Variants in PPP3CA observed in about 807,000 individuals in gnomAD.
PPP3CA encodes the protein protein phosphatase 3 catalytic subunit alpha, also known as CAM-PRP catalytic subunit.
In PPP3CA, 14 loss-of-function variants were observed where a neutral mutation model predicts 66.5. The ratio of observed to expected loss-of-function variants is 0.21; its 90% CI spans 0.14 to 0.33. The LOEUF is 0.33. PPP3CA is among the 10% of genes least tolerant of loss of function. The pLI is 1.00. For missense variants in PPP3CA, 317 were observed against 639.5 expected, an observed-to-expected ratio of 0.50 and a Z score of 5.44; for synonymous variants, 232 against 226.2, an observed-to-expected ratio of 1.03 and a Z score of -0.23.
intron 1 of PPP3CA, among the ~76,000 whole-genome samples, chr4:101,210,213 C>G (rs942391320): frequency 1.3e-5 from 2 of 152,116 alleles, no homozygotes; most frequent in African/African-American, 4.8e-5. Context: ...ACTATTTCTC[C>G]AAGTTCCCAG....
chr4:101,041,779 T>C (rs1424283040), intron 10 of PPP3CA, among the ~76,000 whole-genome samples: 1 of 152,136 alleles, frequency 6.6e-6, no homozygotes, highest in East Asian at 1.9e-4. Flanking sequence ...ATCCTTTTTA[T>C]TCATTATGTG....
intron 2 of PPP3CA, among the ~76,000 whole-genome samples, chr4:101,173,716 A>T (rs1723960055): frequency 6.6e-6 from 1 of 152,158 alleles, no homozygotes; most frequent in South Asian, 2.1e-4. Context: ...ATATAATAAT[A>T]ACCTCTCTGT....
chr4:101,246,607 A>T (rs1303980651), intron 1 of PPP3CA, among the ~76,000 whole-genome samples: 6 of 152,004 alleles, frequency 3.9e-5, no homozygotes, highest in African/African-American at 1.4e-4. Context: ...TTCTTTATAT[A>T]AACAAGAAAA....
intron 2 of PPP3CA, among the ~76,000 whole-genome samples, chr4:101,156,026 T>C (rs1205164338): frequency 6.6e-6 from 1 of 152,206 alleles, no homozygotes; most frequent in Non-Finnish European, 1.5e-5. Flanking sequence ...ACTATGCCTA[T>C]GGTCAAGAGC....
chr4:101,214,022 A>G (rs116385033), intron 1 of PPP3CA, among the ~76,000 whole-genome samples: 1,809 of 152,258 alleles, frequency 0.012, 16 homozygotes, highest in Non-Finnish European at 0.018. Context: ...GCGTTAAGAC[A>G]TTCTCAATCT....
rs549109135 is a variant in PPP3CA at position 101,241,865 on chromosome 4, T to C, written c.59-45749A>G. On this transcript the variant is annotated intron_variant, in intron 1 of 13. Coordinates refer to ENST00000394854, the MANE Select transcript of PPP3CA (RefSeq NM_000944.5). ...ATTAATACATGTACACTTAGTCAAA[T>C]TGCTAAGTGTATCTGTACAAATGTT... Among the ~76,000 whole-genome samples, 6 of 152,256 alleles carry C rather than the reference T, an allele frequency of 3.9e-5. No individual in the cohort carries two copies. The South Asian group carries it at 6.2e-4, about 16-fold the overall frequency.
intron 3 of PPP3CA, among the ~76,000 whole-genome samples, chr4:101,106,373 A>AAAG (rs199934841): frequency 5.7e-4 from 8 of 14,076 alleles, no homozygotes; most frequent in African/African-American, 1.8e-3. Flanking sequence ...TAAAAGAGAG[A>AAAG]AAAGAAAGAA....
At chr4:101,143,761 C>G (rs1015565667) in intron 2 of PPP3CA, among the ~76,000 whole-genome samples, 1 of 152,178 alleles carries the variant, frequency 6.6e-6, no homozygotes, top group Non-Finnish European at 1.5e-5. Context: ...AATGATAGCT[C>G]CAGAGTGGTG....
intron 2 of PPP3CA, among the ~76,000 whole-genome samples, chr4:101,186,368 G>A (rs940799868): frequency 6.6e-6 from 1 of 152,088 alleles, no homozygotes; most frequent in African/African-American, 2.4e-5. Flanking sequence ...TCCAAATAAT[G>A]TACACTTTGT....
At position 101,333,295 on chromosome 4, in the gene PPP3CA, T is replaced by G. The variant is rs1358119794; in HGVS notation, c.58+13444A>C. 1.1e-4 allele frequency among the ~76,000 whole-genome samples: 13 copies of G among 120,630 alleles called. 1 individual carries two copies. The South Asian group carries it at 1.7e-3, about 16-fold the overall frequency. 79.1% of individuals were successfully genotyped at this position (120,630 alleles called of 152,430 possible). A position where few individuals can be genotyped will look rare whatever the true frequency, so the allele number is the denominator to read the frequency against. Reference sequence around the variant, plus strand: ...GTTTTTTTTTTTTTTTTTTTTTTTTTTTTTTTTTTTTTTTGTAGAGATGAG... The same window carrying G: ...GTTTTTTTTTTTTTTTTTTTTTTTTGTTTTTTTTTTTTTTGTAGAGATGAG... On this transcript the variant is annotated intron_variant, in intron 1 of 13. Transcript: ENST00000394854.
At chr4:101,162,572 G>GAAT (rs1723553647) in intron 2 of PPP3CA, among the ~76,000 whole-genome samples, 2 of 75,406 alleles carry the variant, frequency 2.7e-5, no homozygotes, top group African/African-American at 1.4e-4. Flanking sequence ...AATAAATAAA[G>GAAT]GGAAATGTAT....
At chr4:101,301,016 GA>G (rs1330500064) in intron 1 of PPP3CA, among the ~76,000 whole-genome samples, 1 of 152,008 alleles carries the variant, frequency 6.6e-6, no homozygotes, top group African/African-American at 2.4e-5. Flanking sequence ...TTAGGAACAG[GA>G]TTTTACTTTA....
At chr4:101,040,713 T>G in intron 10 of PPP3CA, 147 bp from the exon 11 acceptor site, 1 of 646,158 alleles carries the variant, frequency 1.5e-6, no homozygotes, top group East Asian at 3.0e-5. Context: ...TAAATCAAAT[T>G]TGAAAATTTA....
chr4:101,225,660 GC>G (rs1166362015), intron 1 of PPP3CA, among the ~76,000 whole-genome samples: 1 of 151,680 alleles, frequency 6.6e-6, no homozygotes, highest in South Asian at 2.1e-4. Context: ...AGATTTTCTG[GC>G]AGTTAAGAGA....
At chr4:101,109,503 T>C (rs1006612445) in intron 2 of PPP3CA, among the ~76,000 whole-genome samples, 6 of 151,858 alleles carry the variant, frequency 4.0e-5, no homozygotes, top group Middle Eastern at 3.2e-3. Flanking sequence ...TTTGGCATAA[T>C]CTATGTACAA....
At chr4:101,316,169 T>C (rs369813355) in intron 1 of PPP3CA, among the ~76,000 whole-genome samples, 71 of 151,772 alleles carry the variant, frequency 4.7e-4, no homozygotes, top group Middle Eastern at 3.4e-3. Flanking sequence ...TGGGTGGCAA[T>C]GTGTTGAGCT....
At chr4:101,298,482 C>T (rs572423166) in intron 1 of PPP3CA, among the ~76,000 whole-genome samples, 1 of 152,112 alleles carries the variant, frequency 6.6e-6, no homozygotes, top group African/African-American at 2.4e-5. Flanking sequence ...CCTACTCCTT[C>T]TCTGCCACCC....
intron 1 of PPP3CA, among the ~76,000 whole-genome samples, chr4:101,286,031 G>T (rs1474262751): frequency 1.3e-5 from 2 of 152,148 alleles, no homozygotes; most frequent in Non-Finnish European, 2.9e-5. Flanking sequence ...ACAAGGCGGG[G>T]GTGGATGGAT....
chr4:101,183,406 T>G (rs1724304504), intron 2 of PPP3CA, among the ~76,000 whole-genome samples: 1 of 152,110 alleles, frequency 6.6e-6, no homozygotes, highest in Non-Finnish European at 1.5e-5. Flanking sequence ...CCATATATAG[T>G]GATAGAGGAA....
Sources: allele counts gnomAD v4.1 joint callset (sites outside exome capture counted in the v4.1 genomes callset), GRCh38; gene constraint gnomAD v4.1.1; transcripts MANE v1.5; gene names NCBI Gene and HGNC (gene_info 2026-07-23, HGNC 2026-07-21).